The following PCDHGA2 variants were observed in gnomAD, a reference collection of about 807,000 sequenced individuals.
The protein encoded by PCDHGA2 is protocadherin gamma-A2.
In PCDHGA2, 40 loss-of-function variants were observed where a neutral mutation model predicts 59.2. That is an observed-to-expected ratio of 0.68 (90% CI 0.52 to 0.88). The LOEUF (loss-of-function observed/expected upper bound fraction) is 0.88. PCDHGA2 is among the 40% of genes least tolerant of loss of function. The pLI is 0.00. For synonymous variants in PCDHGA2, 560 were observed against 526.0 expected, an observed-to-expected ratio of 1.06 and a Z score of -0.89; for missense variants, 1,226 against 1,204.0, an observed-to-expected ratio of 1.02 and a Z score of -0.27.
chr5:141,370,949 C>A (rs1317760178), intron 1 of PCDHGA2: 2 of 1,613,980 alleles, frequency 1.2e-6, no homozygotes, highest in East Asian at 2.2e-5. Context: ...AGAAGGAGAA[C>A]CTGGATGGCA....
At chr5:141,497,478 C>A (rs974494984) in intron 2 of PCDHGA2, among the ~76,000 whole-genome samples, 1 of 150,954 alleles carries the variant, frequency 6.6e-6, no homozygotes, top group African/African-American at 2.4e-5. Flanking sequence ...GGAGAAGGTG[C>A]GGAACCTCTC....
At chr5:141,364,174 C>T in intron 1 of PCDHGA2, 6 of 816,492 alleles carry the variant, frequency 7.3e-6, no homozygotes, top group Non-Finnish European at 1.1e-5. Flanking sequence ...CCCGACTCTG[C>T]TCCCTCCATA....
Position 141,491,995 on chromosome 5 carries a change from G to C in PCDHGA2, c.2425-2812G>C, listed in dbSNP as rs76332593. On this transcript the variant is annotated intron_variant, in intron 1 of 3. Transcript: ENST00000394576. The surrounding 1 kb of genome is among the most constrained non-coding windows in gnomAD (Gnocchi z 6.9). ...CTCCTTCGAGCTTCCGGTGAATTTC[G>C]GGCGATTTCCGCGGGTGTCGGGGGT... is the stretch of plus-strand genomic sequence containing the variant. 0.033 allele frequency: 22,941 copies of C among 696,644 alleles called. 426 individuals carry two copies. The highest frequency in any genetic ancestry group is 0.093 in the Middle Eastern group (249 of 2,666). The allele number at this position is 696,644 out of a possible 1,614,324, so 43.2% of individuals were successfully genotyped here. A position where few individuals can be genotyped will look rare whatever the true frequency, so the allele number is the denominator to read the frequency against.
rs757947581 is a variant in PCDHGA2 at position 141,361,996 on chromosome 5, T to G, written c.2424+20601T>G. 7 of 1,603,066 alleles carry G rather than the reference T, an allele frequency of 4.4e-6. No individual in the cohort carries two copies. The African/African-American group carries it at 8.0e-5, about 18-fold the overall frequency. ...CGAGCCCGGGCTCTTCAGCCTGGGG[T>G]TGCGCACGGGTGAGGTGCGCACAGC... is the stretch of plus-strand genomic sequence containing the variant. On this transcript the variant is annotated intron_variant, in intron 1 of 3. Transcript: ENST00000394576.
At chr5:141,344,775 C>A (rs749298482) in intron 1 of PCDHGA2, 1 of 1,613,954 alleles carries the variant, frequency 6.2e-7, no homozygotes, top group South Asian at 1.1e-5. Flanking sequence ...GCCTGAGTAC[C>A]GTGTGAGTGT....
In PCDHGA2 at chr5:141,340,949, C is replaced by G. The variant is rs35592458; in HGVS notation, c.1978C>G (p.Leu660Val). ...GQPPLSATVT[L>V]TVAVADRIPD... is the part of the protein sequence containing the mutation. ...GCCCCCTCTCTCCGCCACTGTCACG[C>G]TCACCGTGGCCGTGGCCGACAGGAT... The change falls in exon 1 of 4, where the codon CTC (leucine) becomes GTC (valine). Residue 660 changes from leucine to valine, a missense_variant. By Grantham distance (32) the Leu-to-Val change is conservative. Coordinates refer to ENST00000394576, the MANE Select transcript of PCDHGA2 (RefSeq NM_018915.4). The G allele has an allele frequency of 0.47, 757,715 of 1,613,592 alleles. 185,601 individuals carry two copies. The highest frequency in any genetic ancestry group is 0.58 in the East Asian group (25,821 of 44,828).
chr5:141,381,925 G>A (rs1777765051), intron 1 of PCDHGA2, among the ~76,000 whole-genome samples: 1 of 145,664 alleles, frequency 6.9e-6, no homozygotes, highest in Non-Finnish European at 1.5e-5. Flanking sequence ...CACCTCCCGG[G>A]TTCAAGCGAT....
chr5:141,507,113 C>G (rs1401559943), intron 3 of PCDHGA2: 1 of 152,220 alleles, frequency 6.6e-6, no homozygotes, highest in Non-Finnish European at 1.5e-5. Context: ...GGGACCATGG[C>G]TGCCTTTGGA....
chr5:141,398,826 C>G (rs755219133), intron 1 of PCDHGA2: 1 of 1,613,824 alleles, frequency 6.2e-7, no homozygotes, highest in South Asian at 1.1e-5. Flanking sequence ...TCCAGGTAAC[C>G]GACGCCAATG....
At chr5:141,414,356 T>C in intron 1 of PCDHGA2, 1 of 1,613,950 alleles carries the variant, frequency 6.2e-7, no homozygotes, top group Non-Finnish European at 8.5e-7. Flanking sequence ...TTGGCGTATC[T>C]ACCATTTAAA....
chr5:141,410,726 A>G, intron 1 of PCDHGA2: 4 of 1,376,038 alleles, frequency 2.9e-6, no homozygotes, highest in Non-Finnish European at 3.9e-6. Context: ...TTTAAAATCC[A>G]TAGCTTTTTA....
At position 141,394,998 on chromosome 5, in the gene PCDHGA2, G is replaced by T. The variant is rs774774010; in HGVS notation, c.2424+53603G>T. On this transcript the variant is annotated intron_variant, in intron 1 of 3. Transcript: ENST00000394576. ...CAAGTCACGCCTGCTCCAGGATTCC[G>T]GTGGCAGATTGGTAGGCGTGCCTGC... The T allele has an allele frequency of 2.7e-5, 44 of 1,613,892 alleles. No homozygotes were observed. Among genetic ancestry groups the T allele is most frequent in the Non-Finnish European group, 3.1e-5 (36 of 1,179,930 alleles).
chr5:141,494,782 C>T, intron 1 of PCDHGA2, 25 bp from the exon 2 acceptor site: 1 of 1,614,110 alleles, frequency 6.2e-7, no homozygotes. Context: ...GGTACTCAGC[C>T]CCTTTCCCTC....
At chr5:141,404,476 C>G (rs1453332441) in intron 1 of PCDHGA2, 3 of 1,613,362 alleles carry the variant, frequency 1.9e-6, no homozygotes, top group Non-Finnish European at 2.5e-6. Context: ...TCTCTATTAA[C>G]TCAGACACTG....
intron 1 of PCDHGA2, chr5:141,404,669 A>G: frequency 1.9e-6 from 3 of 1,614,100 alleles, no homozygotes; most frequent in Non-Finnish European, 2.5e-6. Context: ...TGATGGTTCT[A>G]CTGGTGTGGA....
Position 141,415,174 on chromosome 5 carries a change from G to C in PCDHGA2, c.2424+73779G>C, listed in dbSNP as rs1368688199. ...CTCCGCCACTGTCACGCTCACCGTG[G>C]CCGTGGCCGACAGCATCCCCCAAGT... On this transcript the variant is annotated intron_variant, in intron 1 of 3. Transcript: ENST00000394576. 4 of 1,613,784 alleles carry C rather than the reference G, an allele frequency of 2.5e-6. No homozygotes were observed. The African/African-American group carries it at 4.0e-5, about 16-fold the overall frequency.
At chr5:141,355,483 C>T (rs1759873944) in intron 1 of PCDHGA2, 1 of 1,614,050 alleles carries the variant, frequency 6.2e-7, no homozygotes, top group Non-Finnish European at 8.5e-7. Flanking sequence ...CAGGGAGGAG[C>T]TCTGCGACAG....
Position 141,348,380 on chromosome 5 carries a change from G to A in PCDHGA2, c.2424+6985G>A, listed in dbSNP as rs191012446. ...GCCTAGGACTTTGAGACCTACTTGG[G>A]CAACATAGCATGACCCTGTCTCAAA... On this transcript the variant is annotated intron_variant, in intron 1 of 3. Coordinates refer to ENST00000394576, the MANE Select transcript of PCDHGA2 (RefSeq NM_018915.4). Among the ~76,000 whole-genome samples, 617 of 152,166 alleles carry A rather than the reference G, an allele frequency of 4.1e-3. 6 individuals are homozygous for A. The highest frequency in any genetic ancestry group is 0.011 in the Admixed American group (174 of 15,286).
intron 1 of PCDHGA2, among the ~76,000 whole-genome samples, chr5:141,462,361 T>C (rs1354253099): frequency 6.6e-6 from 1 of 152,282 alleles, no homozygotes; most frequent in Non-Finnish European, 1.5e-5. Flanking sequence ...ATACATTGTA[T>C]AGTTTCTATT....
Sources: gnomAD v4.1 joint callset for allele counts (sites outside exome capture counted in the v4.1 genomes callset) on GRCh38, gnomAD v4.1.1 for gene constraint, Gnocchi (gnomAD v3.1) non-coding constraint, MANE v1.5 for transcripts, NCBI Gene and HGNC (gene_info 2026-07-23, HGNC 2026-07-21) for gene names.